The following PATJ variants were observed in gnomAD, a reference collection of about 807,000 sequenced individuals.
PATJ encodes PATJ crumbs cell polarity complex component, also known as inaD-like protein.
In PATJ, 190 loss-of-function variants were observed where a neutral mutation model predicts 224.9. The ratio of observed to expected loss-of-function variants is 0.84; its 90% CI spans 0.75 to 0.95. The LOEUF is 0.95. Among genes scored for constraint, PATJ ranks in the 40% least tolerant of loss-of-function variants. PATJ has a pLI of 0.00. For synonymous variants in PATJ, 769 were observed against 820.3 expected, an observed-to-expected ratio of 0.94 and a Z score of 1.07; for missense variants, 2,121 against 2,270.3, an observed-to-expected ratio of 0.93 and a Z score of 1.34.
intron 43 of PATJ, among the ~76,000 whole-genome samples, chr1:62,153,700 G>C (rs1668858427): frequency 6.6e-6 from 1 of 152,244 alleles, no homozygotes; most frequent in Non-Finnish European, 1.5e-5. Context: ...TGGATTCTGT[G>C]ACAGAAGCAG....
chr1:62,058,537 G>T (rs1330904031), intron 31 of PATJ, among the ~76,000 whole-genome samples: 3 of 152,170 alleles, frequency 2.0e-5, no homozygotes, highest in African/African-American at 7.2e-5. Context: ...TGGGAAAGGG[G>T]CTTATCCTGT....
Position 62,116,606 on chromosome 1 carries a change from G to T in PATJ, c.4730G>T (p.Gly1577Val). Residue 1577 changes from glycine (G) to valine (V), a missense_variant, in exon 36 of 44, where the codon GGA (glycine) becomes GTA (valine). Coordinates refer to ENST00000642238, the MANE Select transcript of PATJ (RefSeq NM_001350145.3). ...AADLDGRLIQ[G>V]DQILSVNGED... The stretch of plus-strand genomic sequence containing the variant: ...GACCTGGATGGGAGATTGATTCAGG[G>T]AGATCAGATCTTATCTGTGAATGGG... 5.6e-6 allele frequency: 9 copies of T among 1,614,026 alleles called. No individual in the cohort carries two copies. Among genetic ancestry groups the T allele is most frequent in the Non-Finnish European group, 7.6e-6 (9 of 1,179,930 alleles).
chr1:61,858,089 G>C (rs1266671976), intron 18 of PATJ, among the ~76,000 whole-genome samples: 4 of 152,148 alleles, frequency 2.6e-5, no homozygotes, highest in African/African-American at 9.7e-5. Context: ...GTAAGAAAGA[G>C]GTTTAATTAG....
chr1:61,917,481 A>G (rs1414976922), intron 26 of PATJ, among the ~76,000 whole-genome samples: 1 of 146,284 alleles, frequency 6.8e-6, no homozygotes, highest in Non-Finnish European at 1.5e-5. Flanking sequence ...TGCATCTATA[A>G]ATTTTTTTCT....
chr1:61,860,647 G>A (rs928849878), intron 18 of PATJ, among the ~76,000 whole-genome samples: 2 of 152,192 alleles, frequency 1.3e-5, no homozygotes, highest in African/African-American at 2.4e-5. Context: ...CCAACATGGC[G>A]AAACCTCGTC....
chr1:62,120,479 T>C (rs1445433953), intron 37 of PATJ, among the ~76,000 whole-genome samples: 1 of 152,192 alleles, frequency 6.6e-6, no homozygotes, highest in Non-Finnish European at 1.5e-5. Context: ...TTCGTCTACA[T>C]AAGAAAGGCC....
At chr1:62,058,525 T>A (rs1056088927) in intron 31 of PATJ, among the ~76,000 whole-genome samples, 6 of 152,200 alleles carry the variant, frequency 3.9e-5, no homozygotes, top group Non-Finnish European at 8.8e-5. Context: ...AGATCCTGCC[T>A]GTGGGAAAGG....
intron 28 of PATJ, among the ~76,000 whole-genome samples, chr1:61,995,782 A>G (rs1236051147): frequency 1.3e-5 from 2 of 152,266 alleles, no homozygotes; most frequent in Non-Finnish European, 2.9e-5. Flanking sequence ...GACTTATGCT[A>G]GAGTATTGGC....
chr1:61,912,828 A>G (rs1299235661), intron 25 of PATJ, among the ~76,000 whole-genome samples: 4 of 152,112 alleles, frequency 2.6e-5, no homozygotes, highest in African/African-American at 9.7e-5. Context: ...AGAAAGTAGT[A>G]GTGTGGGCAG....
At chr1:61,861,493 T>G in intron 18 of PATJ, 58 bp from the exon 19 acceptor site, 5 of 627,276 alleles carry the variant, frequency 8.0e-6, no homozygotes, top group East Asian at 3.6e-5. Context: ...CTCCCTCCCC[T>G]TGCTCCCCAC....
chr1:62,117,428 C>T (rs910132981), intron 37 of PATJ: 2 of 1,380,398 alleles, frequency 1.4e-6, no homozygotes, highest in African/African-American at 2.9e-5. Flanking sequence ...TTATTGCTTG[C>T]AAATGTTTTC....
intron 12 of PATJ, among the ~76,000 whole-genome samples, 178 bp from the exon 13 acceptor site, chr1:61,805,270 A>G (rs1430907030): frequency 6.6e-6 from 1 of 152,330 alleles, no homozygotes; most frequent in East Asian, 1.9e-4. Flanking sequence ...TGTTAGTTTT[A>G]TAAGTCACCT....
chr1:61,977,344 C>A (rs1297268481), intron 27 of PATJ, among the ~76,000 whole-genome samples: 1 of 152,096 alleles, frequency 6.6e-6, no homozygotes, highest in African/African-American at 2.4e-5. Flanking sequence ...CCCACCTCAG[C>A]CTCCCAAAGT....
At chr1:61,827,979 G>T (rs1263413549) in intron 16 of PATJ, among the ~76,000 whole-genome samples, 1 of 152,100 alleles carries the variant, frequency 6.6e-6, no homozygotes, top group African/African-American at 2.4e-5. Context: ...GGGCGCGGTG[G>T]CTCACACCTG....
At chr1:61,934,969 A>T (rs1379297559) in intron 27 of PATJ, among the ~76,000 whole-genome samples, 1 of 152,180 alleles carries the variant, frequency 6.6e-6, no homozygotes, top group Non-Finnish European at 1.5e-5. Flanking sequence ...TTCCTACCTT[A>T]TCTAAAAGCT....
intron 28 of PATJ, among the ~76,000 whole-genome samples, chr1:62,009,785 T>A (rs1188904221): frequency 6.6e-6 from 1 of 152,106 alleles, no homozygotes; most frequent in East Asian, 1.9e-4. Context: ...GGAGATTTCA[T>A]GTCAAGAAAC....
chr1:62,117,431 A>G (rs940047728), intron 37 of PATJ: 2 of 1,383,598 alleles, frequency 1.4e-6, no homozygotes. Flanking sequence ...TTGCTTGCAA[A>G]TGTTTTCTTG....
In PATJ at chr1:61,787,841, C is replaced by A; in HGVS notation, c.937C>A (p.Leu313Ile). The change falls in exon 8 of 44, where the codon CTA becomes ATA. Residue 313 changes from leucine to isoleucine, a missense_variant. Leu to Ile is a conservative substitution (Grantham distance 5, BLOSUM62 2). Transcript: ENST00000642238. Reference protein sequence around the residue: ...GMTSEQVAQVLRNCGNSVRML... With the variant: ...GMTSEQVAQVIRNCGNSVRML... ...GACCAGTGAGCAAGTTGCACAAGTT[C>A]TAAGGAACTGTGGGAATTCAGTCAG... is the stretch of plus-strand genomic sequence containing the variant. The A allele has an allele frequency of 1.2e-6, 2 of 1,614,136 alleles. No homozygotes were observed. The highest frequency in any genetic ancestry group is 1.7e-6 in the Non-Finnish European group (2 of 1,179,986).
At chr1:62,059,087 T>C (rs568139053) in intron 31 of PATJ, among the ~76,000 whole-genome samples, 1 of 152,210 alleles carries the variant, frequency 6.6e-6, no homozygotes, top group South Asian at 2.1e-4. Flanking sequence ...GCTTCCCTAA[T>C]GGCATCACCT....
Sources: allele counts gnomAD v4.1 joint callset (sites outside exome capture counted in the v4.1 genomes callset), GRCh38; gene constraint gnomAD v4.1.1; transcripts MANE v1.5; gene names NCBI Gene and HGNC (gene_info 2026-07-23, HGNC 2026-07-21).